The following C8B variants were observed in gnomAD, a reference collection of about 807,000 sequenced individuals.
C8B encodes the protein complement C8 beta chain.
C8B carries 67 observed loss-of-function variants against 64.6 expected under a neutral mutation model. The observed-to-expected ratio is 1.04, with a 90% CI of 0.85 to 1.27. C8B has a LOEUF of 1.27. C8B is among the 50% of genes most tolerant of loss of function. C8B has a pLI of 0.00. For missense variants in C8B, 790 were observed against 725.2 expected (o/e 1.09, Z -1.03); for synonymous variants, 284 against 257.7 (o/e 1.10, Z -0.98).
At position 56,933,218 on chromosome 1, in the gene C8B, A is replaced by G. The variant is rs1386256155; in HGVS notation, c.1552+117T>C. On this transcript the variant is annotated intron_variant, in intron 10 of 11. Coordinates refer to ENST00000371237, the MANE Select transcript of C8B (RefSeq NM_000066.4). ...CAGGTATACTGACAGCCAGAGTAGT[A>G]TCTCCCAGTGGACTAAATTCTGACT... 31 of 870,720 alleles carry G rather than the reference A, an allele frequency of 3.6e-5. No individual in the cohort carries two copies. The East Asian group carries it at 5.1e-4, about 14-fold the overall frequency. The allele number at this position is 870,720 out of a possible 1,614,324, so 53.9% of individuals were successfully genotyped here.
chr1:56,965,738 A>T, intron 1 of C8B, 119 bp downstream of exon 1: 1 of 1,043,754 alleles, frequency 9.6e-7, no homozygotes, highest in South Asian at 1.3e-5. Flanking sequence ...ATGCATGCAA[A>T]TTGCCTTAAG....
In C8B at chr1:56,949,661, C is replaced by G; in HGVS notation, c.758G>C (p.Gly253Ala). ...NVTEKMASKS[G>A]FSFGFKIPGI... ...AGGTATTTTAAAACCAAAACTGAAA[C>G]CAGACTTGCTTGCCATTTTCTCTGT... The change falls in exon 6 of 12, where the codon GGT becomes GCT. Residue 253 changes from glycine (G) to alanine (A), a missense_variant. Physicochemically the swap from Gly to Ala is moderately conservative, Grantham distance 60 (BLOSUM62 0). Coordinates refer to ENST00000371237, the MANE Select transcript of C8B (RefSeq NM_000066.4). 6.2e-7 allele frequency: 1 copy of G among 1,613,974 alleles called. No homozygotes were observed. Among genetic ancestry groups the G allele is most frequent in the Non-Finnish European group, 8.5e-7 (1 of 1,179,914 alleles).
Position 56,931,869 on chromosome 1 carries a change from C to T in C8B, c.1562G>A (p.Cys521Tyr). 4 of 1,611,980 alleles carry T rather than the reference C, an allele frequency of 2.5e-6. No homozygotes were observed. Among genetic ancestry groups the T allele is most frequent in the Middle Eastern group, 1.7e-4 (1 of 6,052 alleles). ...GGATCCAACAGGACAGATGCAGTCA[C>T]AGCGTGATCCTGAGAAGACAAGGCA... ...NGVPVLKGSR[C>Y]DCICPVGSQG... is the part of the protein sequence containing the mutation. The change falls in exon 11 of 12, where the codon TGT becomes TAT. Residue 521 changes from cysteine (C) to tyrosine (Y), a missense_variant. Transcript: ENST00000371237.
At chr1:56,948,476 A>C (rs961874513) in intron 6 of C8B, among the ~76,000 whole-genome samples, 1 of 152,136 alleles carries the variant, frequency 6.6e-6, no homozygotes, top group Non-Finnish European at 1.5e-5. Context: ...TAGGAAGAAG[A>C]CATTGCCTTG....
intron 5 of C8B, among the ~76,000 whole-genome samples, chr1:56,950,754 T>A (rs984859298): frequency 1.3e-5 from 2 of 152,170 alleles, no homozygotes; most frequent in African/African-American, 4.8e-5. Context: ...ATGGAGGAGA[T>A]AATGGTCCCT....
chr1:56,950,448 G>A (rs1417244405), intron 5 of C8B, among the ~76,000 whole-genome samples: 4 of 152,348 alleles, frequency 2.6e-5, no homozygotes, highest in African/African-American at 9.6e-5. Flanking sequence ...TAAAACCAGT[G>A]TTCATGGCAC....
At chr1:56,952,309 A>C in intron 4 of C8B, 129 bp from the exon 5 acceptor site, 1 of 1,287,056 alleles carries the variant, frequency 7.8e-7, no homozygotes. Context: ...ACCTGGTCCA[A>C]GCCAGCTTTC....
At chr1:56,959,331 T>C (rs897750204) in intron 2 of C8B, among the ~76,000 whole-genome samples, 2 of 152,118 alleles carry the variant, frequency 1.3e-5, no homozygotes, top group African/African-American at 4.8e-5. Context: ...AGGTGAAAAA[T>C]AAGTGGCATG....
chr1:56,943,654 T>C (rs41286846), intron 8 of C8B, 42 bp downstream of exon 8: 131,967 of 1,611,520 alleles, frequency 0.082, 6,147 homozygotes, highest in Middle Eastern at 0.11. Context: ...ACTAGGAGGA[T>C]AAACATTATA....
At chr1:56,944,730 C>A (rs1013633692) in intron 7 of C8B, among the ~76,000 whole-genome samples, 4 of 152,132 alleles carry the variant, frequency 2.6e-5, no homozygotes, top group African/African-American at 4.8e-5. Context: ...ACTTCTGAGA[C>A]CATTTTTATG....
chr1:56,943,590 G>C (rs760007650), intron 8 of C8B, 106 bp downstream of exon 8: 235 of 1,336,176 alleles, frequency 1.8e-4, no homozygotes, highest in Non-Finnish European at 2.4e-4. Context: ...TGGCCTAGAA[G>C]TTGGGATAGT....
chr1:56,953,523 G>A (rs1180425261), intron 4 of C8B, among the ~76,000 whole-genome samples: 7 of 152,126 alleles, frequency 4.6e-5, no homozygotes, highest in Admixed American at 2.6e-4. Context: ...TCTCCCTGCC[G>A]GGAACAATGG....
chr1:56,955,167 A>G (rs1402843592), intron 3 of C8B, among the ~76,000 whole-genome samples: 1 of 152,254 alleles, frequency 6.6e-6, no homozygotes, highest in Middle Eastern at 3.4e-3. Context: ...CTCTGCCTCA[A>G]TTTACTCACC....
intron 1 of C8B, among the ~76,000 whole-genome samples, chr1:56,963,532 G>A (rs990471699): frequency 1.4e-5 from 2 of 146,860 alleles, no homozygotes; most frequent in Non-Finnish European, 3.0e-5. Flanking sequence ...GCCCAGAGAT[G>A]GAGAAACAGC....
At chr1:56,961,056 C>T (rs1018307756) in intron 1 of C8B, among the ~76,000 whole-genome samples, 2 of 152,036 alleles carry the variant, frequency 1.3e-5, no homozygotes, top group African/African-American at 4.8e-5. Flanking sequence ...ACCTCAGCAC[C>T]ACCAGCAGAG....
intron 1 of C8B, among the ~76,000 whole-genome samples, chr1:56,962,887 T>C (rs1237821843): frequency 6.6e-6 from 1 of 152,240 alleles, no homozygotes; most frequent in Non-Finnish European, 1.5e-5. Context: ...TGCAACTCAC[T>C]TTTGTTAATC....
At chr1:56,936,193 G>A (rs983917054) in intron 9 of C8B, among the ~76,000 whole-genome samples, 2 of 152,134 alleles carry the variant, frequency 1.3e-5, no homozygotes, top group African/African-American at 4.8e-5. Context: ...TGGATGAAAA[G>A]CTATAAGCAT....
At position 56,940,915 on chromosome 1, in the gene C8B, C is replaced by T. The variant is rs750634264; in HGVS notation, c.1332G>A (p.Pro444=). ...HITTLAYQEL[P]TADLMQEWGD... ...CCCACTCCTGCATCAGGTCCGCCGTCGGCAGCTCCTGGTATGCCAGGGTGG... is the reference window on the plus strand; with the variant it reads ...CCCACTCCTGCATCAGGTCCGCCGTTGGCAGCTCCTGGTATGCCAGGGTGG... Residue 444 remains proline, a synonymous_variant, in exon 9 of 12, where the codon CCG becomes CCA. Transcript: ENST00000371237. 3.8e-5 allele frequency: 61 copies of T among 1,613,956 alleles called. No individual in the cohort carries two copies. In the East Asian group the frequency reaches 6.2e-4, roughly 17 times the overall value.
intron 3 of C8B, 87 bp downstream of exon 3, chr1:56,956,681 TG>T (rs1163148445): frequency 1.0e-5 from 15 of 1,472,820 alleles, no homozygotes; most frequent in Non-Finnish European, 1.4e-5. Flanking sequence ...ACCCTGATCT[TG>T]AGCACTGGAC....
Sources: gnomAD v4.1 joint callset for allele counts (sites outside exome capture counted in the v4.1 genomes callset) on GRCh38, gnomAD v4.1.1 for gene constraint, MANE v1.5 for transcripts, NCBI Gene and HGNC (gene_info 2026-07-23, HGNC 2026-07-21) for gene names.